Variants in ZMAT4 observed in about 807,000 individuals in gnomAD.
The protein encoded by ZMAT4 is zinc finger matrin-type 4.
In ZMAT4, 17 loss-of-function variants were observed where a neutral mutation model predicts 28.7. The observed-to-expected ratio is 0.59, with a 90% CI of 0.41 to 0.89. The LOEUF is 0.89. Ranked by LOEUF, ZMAT4 falls within the 40% of genes least tolerant of loss-of-function variation. The pLI is 0.00. For synonymous variants in ZMAT4, 117 were observed against 109.2 expected, an observed-to-expected ratio of 1.07 and a Z score of -0.44; for missense variants, 240 against 283.8, an observed-to-expected ratio of 0.85 and a Z score of 1.11.
chr8:40,557,095 T>A (rs2118447363), intron 6 of ZMAT4, among the ~76,000 whole-genome samples: 1 of 152,236 alleles, frequency 6.6e-6, no homozygotes, highest in African/African-American at 2.4e-5. Context: ...GGCATCAGTA[T>A]TTCTGTGCCT....
chr8:40,543,813 T>C (rs1414397082), intron 6 of ZMAT4, among the ~76,000 whole-genome samples: 1 of 152,196 alleles, frequency 6.6e-6, no homozygotes. Context: ...TTATACATTT[T>C]AACTGAGATA....
rs191179950 is a variant in ZMAT4 at position 40,832,146 on chromosome 8, C to A, written c.-4-6466G>T. On this transcript the variant is annotated intron_variant, in intron 1 of 6. Coordinates refer to ENST00000297737, the MANE Select transcript of ZMAT4 (RefSeq NM_024645.3). ...GGCATGCCCTTCAGTTTGTCCCCTG[C>A]CACCTCCAGCTCGCGACCACCATAA... Among the ~76,000 whole-genome samples the A allele has an allele frequency of 1.9e-3, 294 of 152,162 alleles. 1 individual carries two copies. Among genetic ancestry groups the A allele is most frequent in the African/African-American group, 6.9e-3 (285 of 41,520 alleles).
chr8:40,554,007 C>T (rs1300109060), intron 6 of ZMAT4, among the ~76,000 whole-genome samples: 1 of 152,112 alleles, frequency 6.6e-6, no homozygotes, highest in Non-Finnish European at 1.5e-5. Context: ...GCCACTCATG[C>T]CACTTAAGGG....
chr8:40,675,739 A>C (rs1388198544), intron 4 of ZMAT4, among the ~76,000 whole-genome samples: 2 of 152,230 alleles, frequency 1.3e-5, no homozygotes, highest in African/African-American at 2.4e-5. Context: ...GCATTAATTG[A>C]GGAAGTCATG....
At chr8:40,631,827 G>A (rs1339338669) in intron 5 of ZMAT4, among the ~76,000 whole-genome samples, 2 of 152,306 alleles carry the variant, frequency 1.3e-5, no homozygotes, top group East Asian at 3.9e-4. Context: ...TGTAAAAGGT[G>A]TCTGAACACA....
chr8:40,841,651 C>A (rs1052402641), intron 1 of ZMAT4, among the ~76,000 whole-genome samples: 1 of 152,154 alleles, frequency 6.6e-6, no homozygotes, highest in Non-Finnish European at 1.5e-5. Context: ...GACTGTGAGC[C>A]CTTAGAGGCA....
At chr8:40,820,942 C>T (rs1815795025) in intron 2 of ZMAT4, among the ~76,000 whole-genome samples, 1 of 18,184 alleles carries the variant, frequency 5.5e-5, no homozygotes, top group African/African-American at 2.1e-4. Context: ...AAGTGGGGGG[C>T]ATATATGTGT....
chr8:40,559,642 C>G (rs961436050), intron 6 of ZMAT4, among the ~76,000 whole-genome samples: 9 of 152,094 alleles, frequency 5.9e-5, no homozygotes, highest in Admixed American at 4.6e-4. Flanking sequence ...TAAAGTCTCC[C>G]TTCAAAATTT....
intron 5 of ZMAT4, among the ~76,000 whole-genome samples, chr8:40,644,380 A>G (rs1230144105): frequency 1.3e-5 from 2 of 152,096 alleles, no homozygotes; most frequent in African/African-American, 4.8e-5. Context: ...GCTGGAAAAT[A>G]AGGAAGTACA....
chr8:40,872,940 C>G (rs748205970), intron 1 of ZMAT4, among the ~76,000 whole-genome samples: 21 of 152,132 alleles, frequency 1.4e-4, no homozygotes, highest in Non-Finnish European at 2.6e-4. Context: ...TCAGTCAGCT[C>G]AACCCTCTGT....
chr8:40,536,913 AAAGAG>A (rs1802865349), intron 6 of ZMAT4, among the ~76,000 whole-genome samples: 1 of 152,088 alleles, frequency 6.6e-6, no homozygotes, highest in Admixed American at 6.5e-5. Context: ...AGAAAAAAAA[AAAGAG>A]AAGAGAAAGA....
At chr8:40,605,385 T>C (rs1387500389) in intron 5 of ZMAT4, among the ~76,000 whole-genome samples, 1 of 152,224 alleles carries the variant, frequency 6.6e-6, no homozygotes, top group African/African-American at 2.4e-5. Context: ...TGTGTCACTA[T>C]TATCACTCAG....
intron 2 of ZMAT4, among the ~76,000 whole-genome samples, chr8:40,770,549 A>AT (rs60467361): frequency 0.2 from 23,479 of 117,382 alleles, 2,927 homozygotes; most frequent in Middle Eastern, 0.27. Flanking sequence ...TTTCTCTCTC[A>AT]TTTTTTTTTT....
intron 2 of ZMAT4, among the ~76,000 whole-genome samples, chr8:40,781,185 G>A (rs1314091317): frequency 6.6e-6 from 1 of 151,744 alleles, no homozygotes; most frequent in Admixed American, 6.6e-5. Context: ...GCTGCAAGAA[G>A]CAAGATCAAA....
intron 2 of ZMAT4, among the ~76,000 whole-genome samples, chr8:40,817,039 C>T (rs181077646): frequency 7.9e-5 from 12 of 152,064 alleles, no homozygotes; most frequent in Admixed American, 2.0e-4. Flanking sequence ...TTTCCACTTG[C>T]TTTTTTAAGA....
At chr8:40,862,227 A>G (rs1212146275) in intron 1 of ZMAT4, among the ~76,000 whole-genome samples, 1 of 152,130 alleles carries the variant, frequency 6.6e-6, no homozygotes, top group Non-Finnish European at 1.5e-5. Flanking sequence ...ACACCATGGA[A>G]TACTATGCAG....
At chr8:40,785,590 T>C (rs1280766087) in intron 2 of ZMAT4, among the ~76,000 whole-genome samples, 2 of 152,194 alleles carry the variant, frequency 1.3e-5, no homozygotes, top group Non-Finnish European at 2.9e-5. Context: ...GATTCTATAA[T>C]TTCTTCCTGA....
intron 3 of ZMAT4, among the ~76,000 whole-genome samples, chr8:40,700,790 C>T (rs1810110311): frequency 1.3e-5 from 2 of 152,022 alleles, no homozygotes; most frequent in African/African-American, 4.8e-5. Context: ...CTCCTGGGTG[C>T]CTTGTACATT....
chr8:40,673,268 C>T (rs1338874247), intron 5 of ZMAT4, among the ~76,000 whole-genome samples: 2 of 152,166 alleles, frequency 1.3e-5, no homozygotes, highest in Admixed American at 6.5e-5. Flanking sequence ...CTGCAACCAA[C>T]ATATTAAGAA....
Sources: gnomAD v4.1 joint callset for allele counts (sites outside exome capture counted in the v4.1 genomes callset) on GRCh38, gnomAD v4.1.1 for gene constraint, MANE v1.5 for transcripts, NCBI Gene and HGNC (gene_info 2026-07-23, HGNC 2026-07-21) for gene names.